The following FARP1 variants were observed in gnomAD, a reference collection of about 807,000 sequenced individuals.
FARP1 encodes FERM, ARH/RhoGEF and pleckstrin domain protein 1, also known as FERM, ARHGEF and pleckstrin domain-containing protein 1.
A neutral mutation model predicts 128.8 loss-of-function variants in FARP1; 52 were observed. The ratio of observed to expected loss-of-function variants is 0.40; its 90% CI spans 0.32 to 0.51. The LOEUF (loss-of-function observed/expected upper bound fraction) is 0.51, where lower values mean the gene tolerates loss of function less well. Ranked by LOEUF, FARP1 falls within the 20% of genes least tolerant of loss-of-function variation. The probability of loss-of-function intolerance (pLI) is 0.45; values close to 1 mark genes in which losing one functional copy is unlikely to be tolerated. For missense variants in FARP1, 1,333 were observed against 1,367.9 expected (o/e 0.97, Z 0.40); for synonymous variants, 580 against 551.8 (o/e 1.05, Z -0.72).
chr13:98,261,502 T>G (rs1440127240), intron 2 of FARP1, among the ~76,000 whole-genome samples: 1 of 151,912 alleles, frequency 6.6e-6, no homozygotes, highest in East Asian at 1.9e-4. Context: ...CTCCCACTGG[T>G]ATGCATGTCT....
At chr13:98,436,119 GT>G (rs1190476683) in intron 19 of FARP1, 1 of 226,704 alleles carries the variant, frequency 4.4e-6, no homozygotes, top group Non-Finnish European at 9.1e-6. Context: ...GGTATGAAGT[GT>G]TTTTTTAAAA....
chr13:98,209,939 G>A (rs1009649963), intron 1 of FARP1, among the ~76,000 whole-genome samples: 25 of 150,938 alleles, frequency 1.7e-4, no homozygotes, highest in East Asian at 3.9e-4. Context: ...CCGAGATTGC[G>A]CCACTGCACT....
chr13:98,281,287 AGGTTGCAGTGAGCC>A (rs1370118317), intron 2 of FARP1, among the ~76,000 whole-genome samples: 12 of 151,938 alleles, frequency 7.9e-5, no homozygotes, highest in African/African-American at 2.4e-4. Context: ...CAGGAGGCGG[AGGTTGCAGTGAGCC>A]GGTTGCAGTG....
intron 2 of FARP1, among the ~76,000 whole-genome samples, chr13:98,279,396 G>T (rs1884823529): frequency 6.7e-6 from 1 of 149,126 alleles, no homozygotes; most frequent in Non-Finnish European, 1.5e-5. Flanking sequence ...TTAAAAATTT[G>T]CTCCCCCTTG....
intron 3 of FARP1, among the ~76,000 whole-genome samples, chr13:98,352,128 C>T (rs1172163290): frequency 1.3e-5 from 2 of 152,146 alleles, no homozygotes; most frequent in Non-Finnish European, 1.5e-5. Context: ...CCACAGACAA[C>T]ATCTGTGGCA....
In FARP1 at chr13:98,440,334, C is replaced by T. The variant is rs547300493; in HGVS notation, c.2629+99C>T. 4 of 858,072 alleles carry T rather than the reference C, an allele frequency of 4.7e-6. No homozygotes were observed. In the Admixed American group the frequency reaches 5.4e-5, roughly 12 times the overall value. The allele number at this position is 858,072 out of a possible 1,614,324, so 53.2% of individuals were successfully genotyped here. On this transcript the variant is annotated intron_variant, in intron 23 of 26. Transcript: ENST00000319562. Reference sequence around the variant, plus strand: ...CACCCCATCGGGTAGGCCTCACATCCGTGGTGTACATTTGTGTTTAAAGCC... The same window carrying T: ...CACCCCATCGGGTAGGCCTCACATCTGTGGTGTACATTTGTGTTTAAAGCC...
Position 98,409,486 on chromosome 13 carries a change from C to T in FARP1, c.1563C>T (p.Ala521=), listed in dbSNP as rs770218879. The T allele has an allele frequency of 6.8e-6, 11 of 1,613,792 alleles. No individual in the cohort carries two copies. The Admixed American group carries it at 1.8e-4, about 27-fold the overall frequency. The part of the protein sequence containing the change: ...PLISPLLNDQ[A]CPRTDDEDEG... ...TCAGCCCGCTGCTGAATGACCAGGC[C>T]TGCCCCCGGACGGACGATGAGGATG... is the stretch of plus-strand genomic sequence containing the variant. The change falls in exon 14 of 27, where the codon GCC becomes GCT. Residue 521 remains alanine (A), a synonymous_variant. Coordinates refer to ENST00000319562, the MANE Select transcript of FARP1 (RefSeq NM_005766.4).
At chr13:98,397,116 T>C (rs2140078399) in intron 13 of FARP1, 1 of 152,362 alleles carries the variant, frequency 6.6e-6, no homozygotes, top group Middle Eastern at 3.4e-3. Flanking sequence ...TGTGAAATAC[T>C]AGAAAAGTTG....
chr13:98,385,137 C>T (rs1489224466), intron 7 of FARP1, among the ~76,000 whole-genome samples: 2 of 152,144 alleles, frequency 1.3e-5, no homozygotes, highest in East Asian at 1.9e-4. Context: ...GGGAAAGGGA[C>T]GTGGTCACCT....
intron 2 of FARP1, among the ~76,000 whole-genome samples, chr13:98,320,220 A>G (rs1482192827): frequency 6.6e-6 from 1 of 152,120 alleles, no homozygotes; most frequent in African/African-American, 2.4e-5. Context: ...GAGAGAGAAA[A>G]TTATTTTATC....
At chr13:98,385,871 C>T in intron 8 of FARP1, 57 bp downstream of exon 8, 1 of 1,568,846 alleles carries the variant, frequency 6.4e-7, no homozygotes, top group Non-Finnish European at 8.7e-7. Context: ...GAAGAGCTGG[C>T]CCTTCAACTC....
At chr13:98,443,826 C>G (rs977990420) in intron 24 of FARP1, among the ~76,000 whole-genome samples, 2 of 7,214 alleles carry the variant, frequency 2.8e-4, no homozygotes, top group Admixed American at 8.1e-3. Flanking sequence ...GTTCAGCAGA[C>G]AGAGCGCAGA....
At chr13:98,157,103 T>C (rs1379470383) in intron 1 of FARP1, among the ~76,000 whole-genome samples, 3 of 152,210 alleles carry the variant, frequency 2.0e-5, no homozygotes, top group Non-Finnish European at 4.4e-5. Context: ...ATAGAGATTT[T>C]AGAAAATGCT....
intron 13 of FARP1, among the ~76,000 whole-genome samples, chr13:98,408,954 T>C (rs1891082696): frequency 6.6e-6 from 1 of 151,808 alleles, no homozygotes; most frequent in African/African-American, 2.4e-5. Flanking sequence ...ATAGTTGTAT[T>C]TTCTAATCAT....
chr13:98,352,859 G>C (rs1157196438), intron 3 of FARP1, among the ~76,000 whole-genome samples: 1 of 152,118 alleles, frequency 6.6e-6, no homozygotes, highest in Non-Finnish European at 1.5e-5. Context: ...GTGAGGAAAA[G>C]AAAGAGATGG....
chr13:98,401,397 A>G (rs1890755504), intron 13 of FARP1: 2 of 7,766 alleles, frequency 2.6e-4, no homozygotes, highest in South Asian at 0.012. Context: ...TTTTCTTTCT[A>G]TTAAAAAATA....
Position 98,220,006 on chromosome 13 carries a change from G to A in FARP1, c.171+6593G>A, listed in dbSNP as rs531944386. On this transcript the variant is annotated intron_variant, in intron 2 of 26. Transcript: ENST00000319562. ...TAATTTCTCTTTCAGCCATCTTAGGGAATGTGCCCTTTTTGGTAAGCTGAA... is the reference window on the plus strand; with the variant it reads ...TAATTTCTCTTTCAGCCATCTTAGGAAATGTGCCCTTTTTGGTAAGCTGAA... Among the ~76,000 whole-genome samples, 234 of 151,900 alleles carry A rather than the reference G, an allele frequency of 1.5e-3. 3 individuals are homozygous for A. The highest frequency in any genetic ancestry group is 5.5e-3 in the African/African-American group (228 of 41,378).
intron 2 of FARP1, among the ~76,000 whole-genome samples, chr13:98,250,180 T>G (rs1883253989): frequency 6.6e-6 from 1 of 152,164 alleles, no homozygotes; most frequent in Non-Finnish European, 1.5e-5. Context: ...AAATGTGGGA[T>G]TTAAAAACCT....
At chr13:98,152,439 A>G (rs561312776) in intron 1 of FARP1, among the ~76,000 whole-genome samples, 3 of 152,338 alleles carry the variant, frequency 2.0e-5, no homozygotes, top group Admixed American at 6.5e-5. Context: ...CCCAAAGACT[A>G]GATGTGATGC....
Sources: allele counts gnomAD v4.1 joint callset (sites outside exome capture counted in the v4.1 genomes callset), GRCh38; gene constraint gnomAD v4.1.1; transcripts MANE v1.5; gene names NCBI Gene and HGNC (gene_info 2026-07-23, HGNC 2026-07-21).